CAMK1D: variants seen among roughly 807,000 people sequenced by gnomAD.
The protein encoded by CAMK1D is calcium/calmodulin-dependent protein kinase type 1D.
CAMK1D carries 9 observed loss-of-function variants against 47.7 expected under a neutral mutation model. The ratio of observed to expected loss-of-function variants is 0.19; its 90% CI spans 0.11 to 0.33. The LOEUF (loss-of-function observed/expected upper bound fraction) is 0.33, where lower values mean the gene tolerates loss of function less well. Ranked by LOEUF, CAMK1D falls within the 10% of genes least tolerant of loss-of-function variation. The pLI, the probability that CAMK1D is intolerant of heterozygous loss-of-function variation, is 1.00. For synonymous variants in CAMK1D, 184 were observed against 184.9 expected (o/e 0.99, Z 0.04); for missense variants, 291 against 488.7 (o/e 0.60, Z 3.81).
chr10:12,757,852 CTT>C (rs869125453), intron 3 of CAMK1D, among the ~76,000 whole-genome samples: 5,178 of 91,270 alleles, frequency 0.057, 97 homozygotes, highest in Middle Eastern at 0.11. Context: ...GGGCCCTGCT[CTT>C]TTTTTTTTTT....
intron 2 of CAMK1D, among the ~76,000 whole-genome samples, chr10:12,583,981 G>A (rs184328681): frequency 2.0e-5 from 3 of 152,262 alleles, no homozygotes; most frequent in Admixed American, 2.0e-4. Context: ...TAGCCAAGTT[G>A]CCTGTCAGCA....
rs201933617 is a variant in CAMK1D, at chr10:12,791,110, C to T, written c.566-48C>T. ...CAGACCCCAAAAACTGTCTTCAGTCCGAGGCATGTAAATTGTCAGGCTGTG... is the reference window on the plus strand; with the variant it reads ...CAGACCCCAAAAACTGTCTTCAGTCTGAGGCATGTAAATTGTCAGGCTGTG... On this transcript the variant is annotated intron_variant, in intron 5 of 10. Transcript: ENST00000619168. 81 of 1,574,194 alleles carry T rather than the reference C, an allele frequency of 5.1e-5. 1 individual carries two copies. Among genetic ancestry groups the T allele is most frequent in the South Asian group, 1.6e-4 (14 of 89,982 alleles).
chr10:12,455,387 T>A (rs867898906), intron 1 of CAMK1D, among the ~76,000 whole-genome samples: 2 of 152,324 alleles, frequency 1.3e-5, no homozygotes, highest in Middle Eastern at 3.4e-3. Context: ...TGGCCCAGGC[T>A]GGTGTCAAAC....
Position 12,482,373 on chromosome 10 carries a change from G to A in CAMK1D, c.93-70852G>A, listed in dbSNP as rs79977656. Among the ~76,000 whole-genome samples, 32 of 152,302 alleles carry A rather than the reference G, an allele frequency of 2.1e-4. No homozygotes were observed. The East Asian group carries it at 5.8e-3, about 28-fold the overall frequency. On this transcript the variant is annotated intron_variant, in intron 1 of 10. Transcript: ENST00000619168. Reference sequence around the variant, plus strand: ...CCACTTAGGGGACCTCCAGGTCAGCGCTTGCATCCACTTGTTTTATAACAC... The same window carrying A: ...CCACTTAGGGGACCTCCAGGTCAGCACTTGCATCCACTTGTTTTATAACAC...
chr10:12,404,539 C>CTGT (rs1839343098), intron 1 of CAMK1D, among the ~76,000 whole-genome samples: 3 of 152,022 alleles, frequency 2.0e-5, no homozygotes, highest in African/African-American at 7.2e-5. Flanking sequence ...GGAGAGAAAG[C>CTGT]TGTTTGTTAC....
chr10:12,632,316 C>G (rs1451279922), intron 2 of CAMK1D, among the ~76,000 whole-genome samples: 1 of 152,150 alleles, frequency 6.6e-6, no homozygotes, highest in Non-Finnish European at 1.5e-5. Flanking sequence ...ATGAGACTTC[C>G]AGGCAGGGGA....
intron 3 of CAMK1D, among the ~76,000 whole-genome samples, chr10:12,707,179 C>G (rs1332175852): frequency 2.6e-5 from 4 of 152,210 alleles, no homozygotes; most frequent in Non-Finnish European, 5.9e-5. Flanking sequence ...TTAGCTGTCT[C>G]TTGCTTCTTT....
At position 12,452,072 on chromosome 10, in the gene CAMK1D, G is replaced by A. The variant is rs565715003; in HGVS notation, c.93-101153G>A. The stretch of plus-strand genomic sequence containing the variant: ...CTTGAGAGGGAAGGAGGAGAGTCTC[G>A]TGGAGCAGGCGAGTCAGGTGGGCGA... On this transcript the variant is annotated intron_variant, in intron 1 of 10. Coordinates refer to ENST00000619168, the MANE Select transcript of CAMK1D (RefSeq NM_153498.4). 3.9e-5 allele frequency among the ~76,000 whole-genome samples: 6 copies of A among 152,292 alleles called. No homozygotes were observed. In the South Asian group the frequency reaches 8.3e-4, roughly 21 times the overall value.
At chr10:12,400,746 T>A (rs182780597) in intron 1 of CAMK1D, among the ~76,000 whole-genome samples, 29 of 151,920 alleles carry the variant, frequency 1.9e-4, no homozygotes, top group African/African-American at 6.8e-4. Context: ...TGTACCAGAG[T>A]GTGACGTAGG....
At chr10:12,676,248 C>A (rs1840805887) in intron 3 of CAMK1D, among the ~76,000 whole-genome samples, 1 of 152,194 alleles carries the variant, frequency 6.6e-6, no homozygotes, top group South Asian at 2.1e-4. Flanking sequence ...GCCACCACGC[C>A]CAGCCAGAAT....
chr10:12,365,117 A>G (rs1035472936), intron 1 of CAMK1D, among the ~76,000 whole-genome samples: 2 of 151,160 alleles, frequency 1.3e-5, no homozygotes, highest in South Asian at 2.1e-4. Flanking sequence ...CCACCACGCC[A>G]GGCTAATTTT....
chr10:12,813,206 T>G (rs1832673784), intron 6 of CAMK1D, among the ~76,000 whole-genome samples: 1 of 152,206 alleles, frequency 6.6e-6, no homozygotes, highest in East Asian at 1.9e-4. Context: ...ATTGTAGGCT[T>G]ACAACGTCTG....
At chr10:12,467,533 GTTAC>G in intron 1 of CAMK1D, among the ~76,000 whole-genome samples, 1 of 152,192 alleles carries the variant, frequency 6.6e-6, no homozygotes. Context: ...AAAGAGAGCA[GTTAC>G]TTAATGCATT....
In CAMK1D at chr10:12,402,161, C is replaced by T. The variant is rs550276835; in HGVS notation, c.92+52251C>T. Among the ~76,000 whole-genome samples the T allele has an allele frequency of 5.3e-5, 8 of 152,120 alleles. No homozygotes were observed. The East Asian group carries it at 9.7e-4, about 18-fold the overall frequency. On this transcript the variant is annotated intron_variant, in intron 1 of 10. Transcript: ENST00000619168. ...TTTGCCATGTTGGCCAGGCTGGTCT[C>T]GAACTCCTGACCTCAAGTGATCTGC...
intron 8 of CAMK1D, among the ~76,000 whole-genome samples, chr10:12,817,592 G>T (rs994150648): frequency 1.4e-4 from 21 of 152,216 alleles, no homozygotes; most frequent in African/African-American, 5.1e-4. Flanking sequence ...TACCTAATTT[G>T]CAGGGCTGAC....
At chr10:12,753,930 G>T (rs1368203299) in intron 3 of CAMK1D, among the ~76,000 whole-genome samples, 1 of 151,884 alleles carries the variant, frequency 6.6e-6, no homozygotes, top group Non-Finnish European at 1.5e-5. Context: ...CGCTCTTGTT[G>T]CCCAGGCTGG....
At chr10:12,675,813 C>T (rs1189928884) in intron 3 of CAMK1D, among the ~76,000 whole-genome samples, 2 of 152,180 alleles carry the variant, frequency 1.3e-5, no homozygotes, top group Non-Finnish European at 2.9e-5. Flanking sequence ...CTTCCTGTCC[C>T]ACCTTTCTTT....
At chr10:12,408,556 G>A (rs555574966) in intron 1 of CAMK1D, among the ~76,000 whole-genome samples, 11 of 152,286 alleles carry the variant, frequency 7.2e-5, no homozygotes, top group African/African-American at 2.4e-4. Flanking sequence ...TGGAACCAAA[G>A]GTGGGTGCAT....
At chr10:12,477,998 T>G (rs1024597889) in intron 1 of CAMK1D, among the ~76,000 whole-genome samples, 1 of 151,734 alleles carries the variant, frequency 6.6e-6, no homozygotes, top group Admixed American at 6.6e-5. Flanking sequence ...CCTTTTCTTT[T>G]TTTCTTTTTC....
Sources: gnomAD v4.1 joint callset for allele counts (sites outside exome capture counted in the v4.1 genomes callset) on GRCh38, gnomAD v4.1.1 for gene constraint, MANE v1.5 for transcripts, NCBI Gene and HGNC (gene_info 2026-07-23, HGNC 2026-07-21) for gene names.